Variants in EGF observed in about 807,000 individuals in gnomAD.
EGF encodes epidermal growth factor.
A neutral mutation model predicts 143.8 loss-of-function variants in EGF; 95 were observed. The ratio of observed to expected loss-of-function variants is 0.66; its 90% CI spans 0.56 to 0.78. EGF has a LOEUF of 0.78. Among genes scored for constraint, EGF ranks in the 30% least tolerant of loss-of-function variants. The probability of loss-of-function intolerance (pLI) is 0.00; values close to 1 mark genes in which losing one functional copy is unlikely to be tolerated. For synonymous variants in EGF, 510 were observed against 510.5 expected (o/e 1.00, Z 0.01); for missense variants, 1,320 against 1,470.9 (o/e 0.90, Z 1.68).
chr4:109,966,618 A>G (rs1746642396), intron 10 of EGF, among the ~76,000 whole-genome samples: 1 of 152,100 alleles, frequency 6.6e-6, no homozygotes, highest in South Asian at 2.1e-4. Context: ...AAATCACCAT[A>G]CTTTTTCCCT....
At position 110,013,489 on chromosome 4, in the gene EGF, C is replaced by G. The variant is rs867151998; in HGVS notation, c.*2034C>G. On this transcript the variant is annotated 3_prime_UTR_variant, in exon 24 of 24. Coordinates refer to ENST00000265171, the MANE Select transcript of EGF (RefSeq NM_001963.6). ...AAAAACACACTTTGTGTTTTTTAAT[C>G]ACCAAGGCACCCTGCAGAGATATCT... Among the ~76,000 whole-genome samples the G allele has an allele frequency of 4.3e-4, 66 of 152,280 alleles. No homozygotes were observed. The highest frequency in any genetic ancestry group is 1.5e-3 in the African/African-American group (64 of 41,568).
intron 1 of EGF, among the ~76,000 whole-genome samples, chr4:109,917,425 A>T (rs1296573615): frequency 6.6e-6 from 1 of 152,180 alleles, no homozygotes; most frequent in Non-Finnish European, 1.5e-5. Flanking sequence ...ATCTGCCTTT[A>T]TGAAAATCCA....
At chr4:109,953,318 A>C (rs1380723172) in intron 5 of EGF, among the ~76,000 whole-genome samples, 1 of 152,220 alleles carries the variant, frequency 6.6e-6, no homozygotes, top group African/African-American at 2.4e-5. Flanking sequence ...GAAGCTATTG[A>C]TTATCATTGC....
chr4:109,971,350 A>G (rs551217409), intron 11 of EGF, among the ~76,000 whole-genome samples: 2 of 152,236 alleles, frequency 1.3e-5, no homozygotes, highest in Non-Finnish European at 1.5e-5. Context: ...CCTACTTAAA[A>G]GAATATTTTA....
chr4:109,919,314 TC>T (rs60401596), intron 1 of EGF, among the ~76,000 whole-genome samples: 17,499 of 146,342 alleles, frequency 0.12, 1,602 homozygotes, highest in African/African-American at 0.24. Context: ...TCTCTCTCTC[TC>T]TCTCTCTCTC....
intron 1 of EGF, among the ~76,000 whole-genome samples, chr4:109,917,581 T>G (rs1560620106): frequency 6.6e-6 from 1 of 152,064 alleles, no homozygotes; most frequent in Non-Finnish European, 1.5e-5. Context: ...GATGGTGAGG[T>G]TTGGGCTTCT....
At position 109,951,034 on chromosome 4, in the gene EGF, C is replaced by T. The variant is rs144301107; in HGVS notation, c.940+5759C>T. On this transcript the variant is annotated intron_variant, in intron 5 of 23. Transcript: ENST00000265171. ...GTTGAAAAAACAAGCAAGCCAGGCA[C>T]GGTGGCTCACACCTGTAATCCCAGC... Among the ~76,000 whole-genome samples, 1,374 of 152,014 alleles carry T rather than the reference C, an allele frequency of 9.0e-3. 22 individuals are homozygous for T. Among genetic ancestry groups the T allele is most frequent in the South Asian group, 0.036 (173 of 4,814 alleles).
chr4:109,931,211 G>A (rs552677033), intron 1 of EGF, among the ~76,000 whole-genome samples: 2 of 152,180 alleles, frequency 1.3e-5, no homozygotes, highest in Non-Finnish European at 2.9e-5. Flanking sequence ...TGATATACAT[G>A]TAGTCCTCCA....
intron 16 of EGF, among the ~76,000 whole-genome samples, chr4:109,985,494 C>A (rs551975615): frequency 1.3e-5 from 2 of 152,352 alleles, no homozygotes; most frequent in East Asian, 1.9e-4. Context: ...CTCTTGCCTT[C>A]GGCTTTCTGT....
intron 1 of EGF, among the ~76,000 whole-genome samples, chr4:109,925,610 T>C (rs1738504934): frequency 6.6e-6 from 1 of 152,184 alleles, no homozygotes; most frequent in Admixed American, 6.5e-5. Flanking sequence ...GAGTACTCCG[T>C]CTCCAATGCC....
chr4:109,963,392 T>C (rs1171290653), intron 9 of EGF, 94 bp downstream of exon 9: 2 of 1,553,772 alleles, frequency 1.3e-6, no homozygotes, highest in Non-Finnish European at 1.8e-6. Context: ...CTTATGGTTT[T>C]GTATTTTTGA....
intron 18 of EGF, among the ~76,000 whole-genome samples, chr4:109,990,320 A>G (rs1268977357): frequency 1.3e-5 from 2 of 152,234 alleles, no homozygotes; most frequent in South Asian, 2.1e-4. Flanking sequence ...AAGAGTGCAC[A>G]TCATAAGAGA....
chr4:109,987,300 G>A (rs1048248461), intron 16 of EGF, among the ~76,000 whole-genome samples: 5 of 152,080 alleles, frequency 3.3e-5, no homozygotes, highest in Non-Finnish European at 5.9e-5. Flanking sequence ...TTGGGACTAT[G>A]CATCTCTTTT....
At chr4:109,964,871 G>A (rs1307509327) in intron 10 of EGF, among the ~76,000 whole-genome samples, 4 of 152,112 alleles carry the variant, frequency 2.6e-5, no homozygotes, top group Non-Finnish European at 5.9e-5. Context: ...TCATAACCAG[G>A]TTTTTTATTA....
chr4:109,917,814 T>C (rs2125925177), intron 1 of EGF, among the ~76,000 whole-genome samples: 1 of 152,094 alleles, frequency 6.6e-6, no homozygotes, highest in African/African-American at 2.4e-5. Flanking sequence ...GAGATGGGGT[T>C]TCATCATGTT....
chr4:109,954,678 T>A (rs1744509255), intron 5 of EGF, among the ~76,000 whole-genome samples: 1 of 152,212 alleles, frequency 6.6e-6, no homozygotes, highest in Non-Finnish European at 1.5e-5. Context: ...TTATAGACAT[T>A]TCATAAAACT....
chr4:109,913,481 A>G lies in EGF; in HGVS notation c.127+19A>G. ...TGTGTGGGTAAGTACTCCAATGAAA[A>G]GGTGCTCCAGGTCTCCGGGAAACTG... On this transcript the variant is annotated intron_variant, in intron 1 of 23. Coordinates refer to ENST00000265171, the MANE Select transcript of EGF (RefSeq NM_001963.6). The G allele has an allele frequency of 6.2e-7, 1 of 1,611,922 alleles. No individual in the cohort carries two copies. Among genetic ancestry groups the G allele is most frequent in the Non-Finnish European group, 8.5e-7 (1 of 1,178,808 alleles).
Position 109,963,184 on chromosome 4 carries a change from C to T in EGF, c.1324C>T (p.Pro442Ser), listed in dbSNP as rs1355948333. 2 of 1,613,826 alleles carry T rather than the reference C, an allele frequency of 1.2e-6. No individual in the cohort carries two copies. The highest frequency in any genetic ancestry group is 2.7e-5 in the African/African-American group (2 of 74,860). ...DGKTCSGCSS[P>S]DNGGCSQLCV... ...AATTGTTTTTGTAGGTTGTTCCTCACCCGATAATGGTGGATGTAGCCAGCT... is the reference window on the plus strand; with the variant it reads ...AATTGTTTTTGTAGGTTGTTCCTCATCCGATAATGGTGGATGTAGCCAGCT... The change falls in exon 9 of 24, where the codon CCC becomes TCC. Residue 442 changes from proline to serine, a missense_variant. By Grantham distance (74) the Pro-to-Ser change is moderately conservative. This residue lies in a region of EGF where 1,186 missense variants were observed against 1,313.7 expected (regional missense o/e 0.90). Transcript: ENST00000265171.
chr4:109,980,766 A>G (rs1054134123), intron 14 of EGF, 60 bp from the exon 15 acceptor site: 1 of 1,604,470 alleles, frequency 6.2e-7, no homozygotes, highest in African/African-American at 1.3e-5. Context: ...GTAGACTTGC[A>G]TTAATGGCAT....
Sources: gnomAD v4.1 joint callset for allele counts (sites outside exome capture counted in the v4.1 genomes callset) on GRCh38, gnomAD v4.1.1 for gene constraint, gnomAD v4.1.1 regional missense constraint, MANE v1.5 for transcripts, NCBI Gene and HGNC (gene_info 2026-07-23, HGNC 2026-07-21) for gene names.